The following ARL15 variants were observed in gnomAD, a reference collection of about 807,000 sequenced individuals.
ARL15 encodes the protein ADP-ribosylation factor-like protein 15.
Under a neutral mutation model 25.2 loss-of-function variants are expected in ARL15, and 19 were observed. The ratio of observed to expected loss-of-function variants is 0.75; its 90% CI spans 0.53 to 1.10. The LOEUF is 1.10. Among genes scored for constraint, ARL15 ranks in the 50% least tolerant of loss-of-function variants. The pLI is 0.00. For missense variants in ARL15, 220 were observed against 246.0 expected, an observed-to-expected ratio of 0.89 and a Z score of 0.71; for synonymous variants, 94 against 86.8, an observed-to-expected ratio of 1.08 and a Z score of -0.46.
intron 1 of ARL15, among the ~76,000 whole-genome samples, chr5:54,175,339 CTT>C (rs200930798): frequency 6.9e-6 from 1 of 145,750 alleles, no homozygotes. Context: ...TTCTTTCTTT[CTT>C]TTTTTTTTTT....
At chr5:54,265,820 AC>A (rs1757609477) in intron 1 of ARL15, among the ~76,000 whole-genome samples, 1 of 152,190 alleles carries the variant, frequency 6.6e-6, no homozygotes, top group Non-Finnish European at 1.5e-5. Context: ...CTACAAACTG[AC>A]TTTGTGTATG....
intron 4 of ARL15, among the ~76,000 whole-genome samples, chr5:54,036,804 T>A (rs560903539): frequency 8.5e-5 from 13 of 152,158 alleles, no homozygotes; most frequent in Non-Finnish European, 1.6e-4. Context: ...TAAATAGATT[T>A]AGTGTTTTGT....
intron 2 of ARL15, among the ~76,000 whole-genome samples, chr5:54,164,311 T>A (rs1754504547): frequency 6.6e-6 from 1 of 152,068 alleles, no homozygotes; most frequent in Admixed American, 6.6e-5. Flanking sequence ...TGGCAAATAT[T>A]CTATGTGTAC....
At chr5:54,092,740 T>C (rs1752168294) in intron 4 of ARL15, among the ~76,000 whole-genome samples, 1 of 152,202 alleles carries the variant, frequency 6.6e-6, no homozygotes, top group Admixed American at 6.5e-5. Context: ...GCTGGGTTTC[T>C]AAGATATCTC....
intron 3 of ARL15, among the ~76,000 whole-genome samples, chr5:54,151,332 C>T (rs1445154485): frequency 6.6e-6 from 1 of 152,144 alleles, no homozygotes; most frequent in Non-Finnish European, 1.5e-5. Context: ...TTACCTTGTA[C>T]TTCTGCACTT....
intron 1 of ARL15, among the ~76,000 whole-genome samples, chr5:54,258,030 A>C (rs1276452770): frequency 6.6e-6 from 1 of 152,148 alleles, no homozygotes; most frequent in Non-Finnish European, 1.5e-5. Flanking sequence ...AAAGCACTTT[A>C]TAAATCAACC....
At chr5:54,176,087 C>T (rs149209496) in intron 1 of ARL15, among the ~76,000 whole-genome samples, 1 of 152,290 alleles carries the variant, frequency 6.6e-6, no homozygotes, top group Non-Finnish European at 1.5e-5. Flanking sequence ...TAAGTCCAGG[C>T]TCTATAGTTC....
intron 4 of ARL15, among the ~76,000 whole-genome samples, chr5:53,996,595 G>A (rs1288833177): frequency 7.0e-6 from 1 of 142,636 alleles, no homozygotes; most frequent in Non-Finnish European, 1.5e-5. Context: ...CTCCAGCCTG[G>A]GTGACAGAGT....
intron 1 of ARL15, among the ~76,000 whole-genome samples, chr5:54,202,650 G>A (rs1466018756): frequency 2.6e-5 from 4 of 152,118 alleles, no homozygotes; most frequent in Non-Finnish European, 5.9e-5. Flanking sequence ...TACTTAGTTT[G>A]TGGTAATATA....
chr5:54,282,526 C>T, intron 1 of ARL15: 1 of 985,374 alleles, frequency 1.0e-6, no homozygotes, highest in Non-Finnish European at 1.2e-6. Flanking sequence ...GGGCATGTGG[C>T]TTTATCTTGG....
chr5:54,157,662 C>T (rs528836184), intron 2 of ARL15, among the ~76,000 whole-genome samples: 108 of 152,280 alleles, frequency 7.1e-4, no homozygotes, highest in African/African-American at 2.5e-3. Context: ...CTACCCGCCT[C>T]GGCCTCCCAA....
intron 4 of ARL15, among the ~76,000 whole-genome samples, chr5:53,998,518 A>G (rs541975517): frequency 1.3e-5 from 2 of 152,356 alleles, no homozygotes; most frequent in Non-Finnish European, 2.9e-5. Context: ...GGTTATATAA[A>G]GATGAATAAG....
At chr5:54,217,622 G>A (rs1027244374) in intron 1 of ARL15, among the ~76,000 whole-genome samples, 6 of 152,070 alleles carry the variant, frequency 3.9e-5, no homozygotes, top group African/African-American at 1.2e-4. Flanking sequence ...CCATTTGCAA[G>A]GCATACATGT....
intron 3 of ARL15, among the ~76,000 whole-genome samples, chr5:54,115,968 G>C (rs956010250): frequency 2.0e-5 from 3 of 152,172 alleles, no homozygotes; most frequent in African/African-American, 7.2e-5. Flanking sequence ...GCTGTCAGGA[G>C]AAACTAGAAG....
chr5:54,218,187 G>A (rs1319513722), intron 1 of ARL15, among the ~76,000 whole-genome samples: 3 of 152,150 alleles, frequency 2.0e-5, no homozygotes. Flanking sequence ...GTAACATTCA[G>A]ATTGGCCACG....
intron 1 of ARL15, among the ~76,000 whole-genome samples, chr5:54,280,120 T>C (rs1246507209): frequency 1.3e-5 from 2 of 152,324 alleles, no homozygotes; most frequent in Admixed American, 6.5e-5. Flanking sequence ...ATACATGGCA[T>C]TGTAAAATTC....
chr5:53,892,029 A>T (rs1013133059), intron 4 of ARL15, among the ~76,000 whole-genome samples: 8 of 152,212 alleles, frequency 5.3e-5, no homozygotes, highest in South Asian at 4.1e-4. Context: ...TTTAGTGACC[A>T]TAAAAGACCG....
In ARL15 at chr5:54,140,272, C is replaced by A. The variant is rs75718599; in HGVS notation, c.253+14308G>T. ...ATTTTGAAAGAAAAAAAAAAAAAAA[C>A]AAGGCAGCATGTGCTCTGTCCCTAG... On this transcript the variant is annotated intron_variant, in intron 3 of 4. Transcript: ENST00000504924. 6.6e-4 allele frequency among the ~76,000 whole-genome samples: 90 copies of A among 136,372 alleles called. 1 individual carries two copies. The highest frequency in any genetic ancestry group is 1.1e-3 in the Non-Finnish European group (67 of 63,000). 89.5% of individuals were successfully genotyped at this position (136,372 alleles called of 152,430 possible). A position where few individuals can be genotyped will look rare whatever the true frequency, so the allele number is the denominator to read the frequency against.
intron 4 of ARL15, among the ~76,000 whole-genome samples, chr5:54,105,841 A>G (rs1195560046): frequency 1.3e-5 from 2 of 152,178 alleles, no homozygotes; most frequent in Non-Finnish European, 2.9e-5. Context: ...CCTCGGCCTC[A>G]TTTGTTTTTA....
Sources: gnomAD v4.1 joint callset for allele counts (sites outside exome capture counted in the v4.1 genomes callset) on GRCh38, gnomAD v4.1.1 for gene constraint, MANE v1.5 for transcripts, NCBI Gene and HGNC (gene_info 2026-07-23, HGNC 2026-07-21) for gene names.